Variants in TUSC3 observed in about 807,000 individuals in gnomAD.
TUSC3 encodes tumor suppressor candidate 3, also known as dolichyl-diphosphooligosaccharide--protein glycosyltransferase subunit TUSC3.
A neutral mutation model predicts 44.8 loss-of-function variants in TUSC3; 45 were observed. That is an observed-to-expected ratio of 1.00 (90% CI 0.79 to 1.29). The LOEUF (loss-of-function observed/expected upper bound fraction) is 1.29. Among genes scored for constraint, TUSC3 ranks in the 50% most tolerant of loss-of-function variants. The pLI is 0.00. For synonymous variants in TUSC3, 212 were observed against 152.9 expected (o/e 1.39, Z -2.85); for missense variants, 519 against 437.9 (o/e 1.19, Z -1.65).
the TUSC3 span, among the ~76,000 whole-genome samples, chr8:15,781,291 C>T: frequency 6.6e-6 from 1 of 152,144 alleles, no homozygotes; most frequent in Non-Finnish European, 1.5e-5. Context: ...CCCAACCTTT[C>T]CAAATGCATC....
chr8:15,673,793 G>A lies in TUSC3; in HGVS notation c.755G>A (p.Arg252His), dbSNP rs1306297233. 3.1e-6 allele frequency: 5 copies of A among 1,612,670 alleles called. No homozygotes were observed. The highest frequency in any genetic ancestry group is 2.2e-5 in the East Asian group (1 of 44,838). ...MTSGQMWNHI[R>H]GPPYAHKNPH... ...TCTGGCCAGATGTGGAACCATATCC[G>A]TGGACCTCCATATGCTCATAAGAAC... Residue 252 changes from arginine (R) to histidine (H), a missense_variant, in exon 6 of 11, where the codon CGT becomes CAT. Coordinates refer to ENST00000503731, the MANE Select transcript of TUSC3 (RefSeq NM_006765.4).
intron 8 of TUSC3, among the ~76,000 whole-genome samples, chr8:15,746,175 A>G (rs1054036988): frequency 7.2e-5 from 11 of 152,082 alleles, no homozygotes; most frequent in Non-Finnish European, 1.3e-4. Flanking sequence ...TAAGGTAAAT[A>G]AGAAATTTGT....
chr8:15,481,749 G>C (rs567186280), intron 1 of TUSC3, among the ~76,000 whole-genome samples: 5 of 152,098 alleles, frequency 3.3e-5, no homozygotes, highest in African/African-American at 1.2e-4. Flanking sequence ...AAAAAAAAAT[G>C]CTAACAATTA....
chr8:15,602,935 G>A (rs1369984034), intron 1 of TUSC3, among the ~76,000 whole-genome samples: 4 of 151,558 alleles, frequency 2.6e-5, no homozygotes, highest in Non-Finnish European at 1.5e-5. Flanking sequence ...ACACTTTAAT[G>A]TTAGTAGATA....
At chr8:15,597,460 G>A (rs568134535) in intron 1 of TUSC3, among the ~76,000 whole-genome samples, 41 of 152,152 alleles carry the variant, frequency 2.7e-4, no homozygotes, top group African/African-American at 9.9e-4. Context: ...GAACATTGAT[G>A]TATTTTTTCT....
chr8:15,745,278 A>G (rs933473952), intron 8 of TUSC3, among the ~76,000 whole-genome samples: 1 of 152,030 alleles, frequency 6.6e-6, no homozygotes, highest in African/African-American at 2.4e-5. Flanking sequence ...ATAAGAGTGC[A>G]TGGGTCTTTT....
chr8:15,452,322 C>G (rs1177758404), intron 1 of TUSC3, among the ~76,000 whole-genome samples: 1 of 152,128 alleles, frequency 6.6e-6, no homozygotes. Flanking sequence ...CTGAATTTCT[C>G]AAGATCAAAC....
At chr8:15,675,488 G>A (rs915905208) in intron 6 of TUSC3, among the ~76,000 whole-genome samples, 1 of 151,388 alleles carries the variant, frequency 6.6e-6, no homozygotes, top group Non-Finnish European at 1.5e-5. Context: ...GGGGATACCT[G>A]TGCAGGTTAG....
chr8:15,647,190 A>G (rs536667384), intron 2 of TUSC3, among the ~76,000 whole-genome samples: 1 of 152,272 alleles, frequency 6.6e-6, no homozygotes, highest in Non-Finnish European at 1.5e-5. Context: ...AATAAACAGC[A>G]TTTACATTAT....
intron 1 of TUSC3, among the ~76,000 whole-genome samples, chr8:15,446,087 C>A (rs986909353): frequency 1.3e-5 from 2 of 148,342 alleles, no homozygotes; most frequent in African/African-American, 5.0e-5. Context: ...ACCTCCCAGA[C>A]GGGGTGGCGG....
chr8:15,620,607 G>C (rs74987354), intron 1 of TUSC3, among the ~76,000 whole-genome samples: 3,279 of 152,244 alleles, frequency 0.022, 105 homozygotes, highest in African/African-American at 0.073. Flanking sequence ...GTTAAACCAA[G>C]TTAAGAGTAT....
intron 1 of TUSC3, among the ~76,000 whole-genome samples, chr8:15,588,397 G>A (rs1563305726): frequency 1.3e-5 from 2 of 151,778 alleles, no homozygotes; most frequent in African/African-American, 2.4e-5. Context: ...GCTCATTTTA[G>A]TACTAGATTA....
At chr8:15,613,687 T>C (rs921954408) in intron 1 of TUSC3, among the ~76,000 whole-genome samples, 6 of 152,216 alleles carry the variant, frequency 3.9e-5, no homozygotes, top group South Asian at 4.1e-4. Flanking sequence ...TTATTAGCAG[T>C]GTGAAAACAG....
the TUSC3 span, among the ~76,000 whole-genome samples, chr8:15,841,929 A>T: frequency 6.6e-6 from 1 of 152,208 alleles, no homozygotes; most frequent in Non-Finnish European, 1.5e-5. Flanking sequence ...TCTATGACTT[A>T]TTTTAAGGTT....
intron 1 of TUSC3, among the ~76,000 whole-genome samples, chr8:15,424,091 A>G (rs557366206): frequency 2.3e-4 from 33 of 142,284 alleles, no homozygotes; most frequent in Admixed American, 2.4e-4. Context: ...CCTGGGTTCA[A>G]ACGATTCTCC....
chr8:15,565,426 G>T, intron 1 of TUSC3, among the ~76,000 whole-genome samples: 1 of 152,058 alleles, frequency 6.6e-6, no homozygotes, highest in East Asian at 1.9e-4. Flanking sequence ...CTTGGAATTA[G>T]AACATGGACA....
chr8:15,841,452 C>A, the TUSC3 span, among the ~76,000 whole-genome samples: 2 of 152,066 alleles, frequency 1.3e-5, no homozygotes, highest in Non-Finnish European at 2.9e-5. Context: ...CATTTTATTA[C>A]TTTCTTAGAA....
At chr8:15,774,278 C>G in the TUSC3 span, among the ~76,000 whole-genome samples, 1 of 152,112 alleles carries the variant, frequency 6.6e-6, no homozygotes, top group Non-Finnish European at 1.5e-5. Flanking sequence ...CCGAGTACTT[C>G]AGAGTACATC....
chr8:15,842,658 G>T, the TUSC3 span, among the ~76,000 whole-genome samples: 3 of 152,136 alleles, frequency 2.0e-5, no homozygotes, highest in African/African-American at 7.2e-5. Context: ...GCTTATGTAG[G>T]AGCTAAACAG....
Sources: gnomAD v4.1 joint callset for allele counts (sites outside exome capture counted in the v4.1 genomes callset) on GRCh38, gnomAD v4.1.1 for gene constraint, MANE v1.5 for transcripts, NCBI Gene and HGNC (gene_info 2026-07-23, HGNC 2026-07-21) for gene names.